FOXO1: variants seen among roughly 807,000 people sequenced by gnomAD.
FOXO1 encodes forkhead box O1.
In FOXO1, 6 loss-of-function variants were observed where a neutral mutation model predicts 44.1. The observed-to-expected ratio is 0.14, with a 90% CI of 0.07 to 0.27. The LOEUF (loss-of-function observed/expected upper bound fraction) is 0.27, where lower values mean the gene tolerates loss of function less well. Among genes scored for constraint, FOXO1 ranks in the 10% least tolerant of loss-of-function variants. The pLI, the probability that FOXO1 is intolerant of heterozygous loss-of-function variation, is 1.00. For missense variants in FOXO1, 737 were observed against 888.8 expected (o/e 0.83, Z 2.17); for synonymous variants, 380 against 362.7 (o/e 1.05, Z -0.54).
Position 40,651,103 on chromosome 13 carries a change from T to TG in FOXO1, c.630+14479_630+14480insC, listed in dbSNP as rs1190212084. Reference sequence around the variant, plus strand: ...TTTTTGGTTTTTTGTTTTTTGTTTTTTGTTTTTGTTTTTTTTTAAGAAACA... The same window carrying TG: ...TTTTTGGTTTTTTGTTTTTTGTTTTTGTGTTTTTGTTTTTTTTTAAGAAACA... On this transcript the variant is annotated intron_variant, in intron 1 of 2. Coordinates refer to ENST00000379561, the MANE Select transcript of FOXO1 (RefSeq NM_002015.4). Among the ~76,000 whole-genome samples the TG allele has an allele frequency of 1.6e-4, 24 of 150,848 alleles. No homozygotes were observed. The East Asian group carries it at 3.3e-3, about 21-fold the overall frequency.
intron 1 of FOXO1, among the ~76,000 whole-genome samples, chr13:40,652,901 A>T (rs1433139484): frequency 2.0e-5 from 3 of 152,052 alleles, no homozygotes; most frequent in African/African-American, 7.2e-5. Flanking sequence ...AACATTTACA[A>T]GCCTGGGAAT....
At chr13:40,597,109 G>A (rs1005014748) in intron 1 of FOXO1, among the ~76,000 whole-genome samples, 8 of 152,108 alleles carry the variant, frequency 5.3e-5, no homozygotes, top group South Asian at 4.1e-4. Flanking sequence ...TTGATCACAC[G>A]GGGGAGCCTA....
At chr13:40,608,580 T>C (rs766763792) in intron 1 of FOXO1, among the ~76,000 whole-genome samples, 61 of 152,356 alleles carry the variant, frequency 4.0e-4, no homozygotes, top group Admixed American at 1.9e-3. Flanking sequence ...TCCTTGTCTG[T>C]CACTAATGTA....
intron 1 of FOXO1, among the ~76,000 whole-genome samples, chr13:40,603,376 G>A (rs2137881996): frequency 6.9e-6 from 1 of 145,850 alleles, no homozygotes; most frequent in African/African-American, 2.5e-5. Context: ...AAAAAAAAAG[G>A]TTGAGTTAAA....
chr13:40,619,818 C>T, intron 1 of FOXO1: 1 of 770,462 alleles, frequency 1.3e-6, no homozygotes, highest in Non-Finnish European at 2.4e-6. Flanking sequence ...TCAGTAGTCA[C>T]ACAAACCAGT....
At chr13:40,659,251 G>A (rs1323932840) in intron 1 of FOXO1, among the ~76,000 whole-genome samples, 1 of 148,666 alleles carries the variant, frequency 6.7e-6, no homozygotes, top group Non-Finnish European at 1.5e-5. Context: ...GGAGGCAGAG[G>A]TTGCAGGGGG....
intron 1 of FOXO1, among the ~76,000 whole-genome samples, chr13:40,600,707 G>C (rs1875786945): frequency 6.6e-6 from 1 of 152,188 alleles, no homozygotes; most frequent in South Asian, 2.1e-4. Context: ...CTCTGAAAGA[G>C]TTAATGGAGC....
intron 1 of FOXO1, among the ~76,000 whole-genome samples, chr13:40,633,289 T>C (rs1418040510): frequency 2.6e-5 from 4 of 152,154 alleles, no homozygotes; most frequent in Non-Finnish European, 5.9e-5. Flanking sequence ...AACATACATA[T>C]ATGCACATAA....
chr13:40,663,374 C>G (rs1255194509), intron 1 of FOXO1, among the ~76,000 whole-genome samples: 1 of 152,144 alleles, frequency 6.6e-6, no homozygotes, highest in Non-Finnish European at 1.5e-5. Flanking sequence ...CTGACAATGC[C>G]ATTTGAGACG....
chr13:40,575,040 G>T (rs1874690302), intron 1 of FOXO1, among the ~76,000 whole-genome samples: 2 of 152,036 alleles, frequency 1.3e-5, no homozygotes, highest in South Asian at 4.2e-4. Context: ...GACTTTAAAA[G>T]GACCATTTGG....
At chr13:40,599,217 GAA>G (rs5803058) in intron 1 of FOXO1, among the ~76,000 whole-genome samples, 2 of 137,310 alleles carry the variant, frequency 1.5e-5, no homozygotes, top group Admixed American at 7.3e-5. Context: ...AAAACACGCT[GAA>G]AAAAAAAAAA....
chr13:40,594,288 A>G (rs1875495299), intron 1 of FOXO1, among the ~76,000 whole-genome samples: 1 of 152,138 alleles, frequency 6.6e-6, no homozygotes, highest in African/African-American at 2.4e-5. Flanking sequence ...GCGGGAGCCA[A>G]GCAAAAGTCA....
chr13:40,575,660 C>T (rs1315895274), intron 1 of FOXO1, among the ~76,000 whole-genome samples: 1 of 151,988 alleles, frequency 6.6e-6, no homozygotes, highest in Non-Finnish European at 1.5e-5. Flanking sequence ...AAATCAATAC[C>T]GATCAATGTA....
chr13:40,569,169 T>G (rs1035193114), intron 1 of FOXO1, among the ~76,000 whole-genome samples: 4 of 152,174 alleles, frequency 2.6e-5, no homozygotes, highest in Admixed American at 2.6e-4. Flanking sequence ...TGCTTGCATG[T>G]CAAATAGTAC....
intron 1 of FOXO1, 143 bp downstream of exon 1, chr13:40,665,440 C>A (rs1878197579): frequency 1.4e-6 from 1 of 694,526 alleles, no homozygotes. Flanking sequence ...GGCGAGGCCA[C>A]CGCGACCACC....
rs143239174 is a variant in FOXO1 at position 40,560,267 on chromosome 13, C to T, written c.1224G>A (p.Ala408=). 2.2e-4 allele frequency: 353 copies of T among 1,614,088 alleles called. No homozygotes were observed. The African/African-American group carries it at 3.9e-3, about 18-fold the overall frequency. ...MMQQTPCYSF[A]PPNTSLNSPS... ...GTGAATTCAAACTGGTGTTTGGTGG[C>T]GCAAACGAGTAGCACGGCGTCTGCT... The change falls in exon 2 of 3, where the codon GCG becomes GCA. Residue 408 remains alanine (A), a synonymous_variant. Coordinates refer to ENST00000379561, the MANE Select transcript of FOXO1 (RefSeq NM_002015.4). The surrounding 1 kb of genome is among the most constrained non-coding windows in gnomAD (Gnocchi z 5.1).
At chr13:40,603,020 C>T (rs1343682765) in intron 1 of FOXO1, among the ~76,000 whole-genome samples, 2 of 152,116 alleles carry the variant, frequency 1.3e-5, no homozygotes, top group Non-Finnish European at 2.9e-5. Context: ...TCACTCCCTA[C>T]GTCACTCCAC....
At chr13:40,580,095 G>T (rs1736672072) in intron 1 of FOXO1, among the ~76,000 whole-genome samples, 1 of 152,046 alleles carries the variant, frequency 6.6e-6, no homozygotes, top group African/African-American at 2.4e-5. Context: ...CTTTTTTGCT[G>T]CTGCTGTTAA....
intron 1 of FOXO1, among the ~76,000 whole-genome samples, chr13:40,648,470 G>T (rs373401474): frequency 9.2e-5 from 14 of 152,176 alleles, no homozygotes; most frequent in African/African-American, 3.1e-4. Context: ...AAATATGATT[G>T]TTAGCATTTT....
Sources: gnomAD v4.1 joint callset for allele counts (sites outside exome capture counted in the v4.1 genomes callset) on GRCh38, gnomAD v4.1.1 for gene constraint, Gnocchi (gnomAD v3.1) non-coding constraint, MANE v1.5 for transcripts, NCBI Gene and HGNC (gene_info 2026-07-23, HGNC 2026-07-21) for gene names.